RBMS3: variants seen among roughly 807,000 people sequenced by gnomAD.
RBMS3 encodes RNA-binding motif, single-stranded-interacting protein 3.
In RBMS3, 27 loss-of-function variants were observed where a neutral mutation model predicts 66.8. That is an observed-to-expected ratio of 0.40 (90% CI 0.30 to 0.56). The LOEUF (loss-of-function observed/expected upper bound fraction) is 0.56, where lower values mean the gene tolerates loss of function less well. Among genes scored for constraint, RBMS3 ranks in the 20% least tolerant of loss-of-function variants. The pLI, the probability that RBMS3 is intolerant of heterozygous loss-of-function variation, is 0.40. For synonymous variants in RBMS3, 188 were observed against 183.0 expected, an observed-to-expected ratio of 1.03 and a Z score of -0.22; for missense variants, 513 against 549.5, an observed-to-expected ratio of 0.93 and a Z score of 0.66.
chr3:29,810,636 T>G (rs77129918), intron 6 of RBMS3, among the ~76,000 whole-genome samples: 6,841 of 152,278 alleles, frequency 0.045, 235 homozygotes, highest in Admixed American at 0.085. Flanking sequence ...GATGCATTGA[T>G]GAGGTTATGG....
At chr3:29,861,024 C>A (rs1463531429) in intron 6 of RBMS3, among the ~76,000 whole-genome samples, 1 of 152,094 alleles carries the variant, frequency 6.6e-6, no homozygotes, top group Non-Finnish European at 1.5e-5. Flanking sequence ...CCACCACGCC[C>A]GGCTAATTTT....
chr3:29,400,867 T>C (rs756676170), intron 1 of RBMS3, among the ~76,000 whole-genome samples: 1 of 152,100 alleles, frequency 6.6e-6, no homozygotes, highest in Non-Finnish European at 1.5e-5. Flanking sequence ...CTGCTTTGCC[T>C]GAGTATGTAG....
chr3:29,473,286 T>C (rs2042812534), intron 2 of RBMS3, among the ~76,000 whole-genome samples: 1 of 151,714 alleles, frequency 6.6e-6, no homozygotes, highest in African/African-American at 2.4e-5. Flanking sequence ...AGAGTGCTGA[T>C]TGGTGTATTT....
chr3:29,857,696 C>T (rs2059115062), intron 6 of RBMS3, among the ~76,000 whole-genome samples: 1 of 151,998 alleles, frequency 6.6e-6, no homozygotes, highest in African/African-American at 2.4e-5. Context: ...GTATTACCCT[C>T]AGCCACTCTG....
At chr3:29,946,620 C>T (rs946107925) in intron 12 of RBMS3, among the ~76,000 whole-genome samples, 6 of 151,594 alleles carry the variant, frequency 4.0e-5, no homozygotes, top group Non-Finnish European at 7.4e-5. Flanking sequence ...TATAGAGAAT[C>T]AAGAATCTAG....
At chr3:29,661,845 T>C (rs1395502339) in intron 4 of RBMS3, among the ~76,000 whole-genome samples, 2 of 152,174 alleles carry the variant, frequency 1.3e-5, no homozygotes, top group Non-Finnish European at 1.5e-5. Flanking sequence ...TGTATTTCCA[T>C]AGTAAATGGC....
intron 3 of RBMS3, among the ~76,000 whole-genome samples, chr3:29,551,055 C>T (rs1433666879): frequency 6.6e-6 from 1 of 152,086 alleles, no homozygotes; most frequent in Admixed American, 6.6e-5. Flanking sequence ...GTTCTATGGA[C>T]ATTTAAAGAA....
At chr3:29,358,739 T>A (rs868323533) in intron 1 of RBMS3, among the ~76,000 whole-genome samples, 6 of 152,302 alleles carry the variant, frequency 3.9e-5, no homozygotes, top group Middle Eastern at 6.8e-3. Flanking sequence ...TGGTTTGTAG[T>A]TCTCCTTGAA....
chr3:29,966,049 T>G (rs1696825172), intron 12 of RBMS3, among the ~76,000 whole-genome samples: 1 of 152,258 alleles, frequency 6.6e-6, no homozygotes, highest in Non-Finnish European at 1.5e-5. Flanking sequence ...AGTATTTGGG[T>G]TTATTTTTTG....
At chr3:29,779,214 C>G (rs1231193868) in intron 6 of RBMS3, among the ~76,000 whole-genome samples, 1 of 151,576 alleles carries the variant, frequency 6.6e-6, no homozygotes, top group Non-Finnish European at 1.5e-5. Context: ...TATAGAAACT[C>G]CCTTTAGAGA....
intron 7 of RBMS3, chr3:29,880,674 G>A: frequency 9.6e-7 from 1 of 1,045,972 alleles, no homozygotes; most frequent in Non-Finnish European, 1.4e-6. Flanking sequence ...CAGCCAATGG[G>A]TTAAGTTCAA....
chr3:29,909,146 A>G (rs1359427166), intron 10 of RBMS3, among the ~76,000 whole-genome samples: 1 of 152,102 alleles, frequency 6.6e-6, no homozygotes, highest in African/African-American at 2.4e-5. Context: ...TATATTAGAG[A>G]ACGAGGGAAA....
intron 6 of RBMS3, among the ~76,000 whole-genome samples, chr3:29,835,059 T>C (rs1559721119): frequency 6.6e-6 from 1 of 152,010 alleles, no homozygotes; most frequent in African/African-American, 2.4e-5. Context: ...TGTATAATGG[T>C]AAAGTAGTCA....
chr3:29,989,784 T>C (rs1268228035), intron 13 of RBMS3, among the ~76,000 whole-genome samples: 2 of 152,232 alleles, frequency 1.3e-5, no homozygotes, highest in Non-Finnish European at 2.9e-5. Context: ...AATATATGAT[T>C]AAATTTCATG....
At chr3:29,737,400 A>C (rs2054431273) in intron 4 of RBMS3, among the ~76,000 whole-genome samples, 1 of 152,192 alleles carries the variant, frequency 6.6e-6, no homozygotes, top group Non-Finnish European at 1.5e-5. Context: ...CAAATAATTG[A>C]AGCTTGAGAA....
chr3:29,867,197 A>G (rs1030340160), intron 6 of RBMS3, among the ~76,000 whole-genome samples: 1 of 152,000 alleles, frequency 6.6e-6, no homozygotes, highest in African/African-American at 2.4e-5. Flanking sequence ...TAATTCCTTA[A>G]AAATGTTTAA....
chr3:29,397,036 A>G (rs1244863251), intron 1 of RBMS3, among the ~76,000 whole-genome samples: 1 of 152,202 alleles, frequency 6.6e-6, no homozygotes, highest in Admixed American at 6.5e-5. Context: ...GTGTTTAATA[A>G]TGAAATTGTG....
chr3:29,346,799 A>G (rs1326129233), intron 1 of RBMS3, among the ~76,000 whole-genome samples: 1 of 152,142 alleles, frequency 6.6e-6, no homozygotes, highest in East Asian at 1.9e-4. Flanking sequence ...CTCTTTGCAG[A>G]CACAATTTAG....
At chr3:29,610,122 TTTTA>T (rs2048444702) in intron 4 of RBMS3, among the ~76,000 whole-genome samples, 3 of 152,076 alleles carry the variant, frequency 2.0e-5, no homozygotes, top group Admixed American at 2.0e-4. Context: ...ATGACTTATT[TTTTA>T]TTTGAGGACA....
Sources: allele counts gnomAD v4.1 joint callset (sites outside exome capture counted in the v4.1 genomes callset), GRCh38; gene constraint gnomAD v4.1.1; transcripts MANE v1.5; gene names NCBI Gene and HGNC (gene_info 2026-07-23, HGNC 2026-07-21).